GRM3: variants seen among roughly 807,000 people sequenced by gnomAD.
GRM3 encodes glutamate metabotropic receptor 3.
A neutral mutation model predicts 70.5 loss-of-function variants in GRM3; 26 were observed. The observed-to-expected ratio is 0.37, with a 90% confidence interval of 0.27 to 0.51. The LOEUF is 0.51. Among genes scored for constraint, GRM3 ranks in the 20% least tolerant of loss-of-function variants. GRM3 has a pLI of 0.93. For synonymous variants in GRM3, 443 were observed against 434.9 expected (o/e 1.02, Z -0.23); for missense variants, 859 against 1,123.8 (o/e 0.76, Z 3.37).
At chr7:86,745,996 C>A (rs1449958543) in intron 1 of GRM3, among the ~76,000 whole-genome samples, 1 of 151,882 alleles carries the variant, frequency 6.6e-6, no homozygotes, top group East Asian at 1.9e-4. Flanking sequence ...GTGTCTAATC[C>A]CATGCCTAGG....
In GRM3 at chr7:86,721,864, G is replaced by C. The variant is rs78455501; in HGVS notation, c.-140-43142G>C. On this transcript the variant is annotated intron_variant, in intron 1 of 5. Transcript: ENST00000361669. ...TGGCAAATGCCACAAACTGTGACAAGGCAGTGTGATGTCATTGGCACCTTG... is the reference window on the plus strand; with the variant it reads ...TGGCAAATGCCACAAACTGTGACAACGCAGTGTGATGTCATTGGCACCTTG... Among the ~76,000 whole-genome samples, 57 of 152,250 alleles carry C rather than the reference G, an allele frequency of 3.7e-4. 3 individuals are homozygous for C. The East Asian group carries it at 0.011, about 29-fold the overall frequency.
chr7:86,781,927 C>A (rs1269372429), intron 2 of GRM3, among the ~76,000 whole-genome samples: 1 of 152,084 alleles, frequency 6.6e-6, no homozygotes, highest in Non-Finnish European at 1.5e-5. Flanking sequence ...AGAGTCCAAG[C>A]AATGTCACCA....
chr7:86,713,844 C>T (rs1018755676), intron 1 of GRM3, among the ~76,000 whole-genome samples: 3 of 151,940 alleles, frequency 2.0e-5, no homozygotes, highest in Non-Finnish European at 4.4e-5. Context: ...GGCTCACAGA[C>T]TTCCAAATAT....
chr7:86,837,941 T>C (rs73194586), intron 3 of GRM3, among the ~76,000 whole-genome samples: 5,453 of 152,194 alleles, frequency 0.036, 129 homozygotes, highest in Non-Finnish European at 0.052. Context: ...GTACGTGGCA[T>C]AGAAATGGGT....
At chr7:86,750,135 A>G (rs144562302) in intron 1 of GRM3, among the ~76,000 whole-genome samples, 1 of 152,228 alleles carries the variant, frequency 6.6e-6, no homozygotes, top group Non-Finnish European at 1.5e-5. Flanking sequence ...AGGAGAAAAT[A>G]TATATTCATT....
intron 3 of GRM3, among the ~76,000 whole-genome samples, chr7:86,796,415 G>C (rs1242821797): frequency 6.6e-6 from 1 of 152,024 alleles, no homozygotes; most frequent in Non-Finnish European, 1.5e-5. Context: ...CTGTTCCATT[G>C]GTCCATGTGT....
At chr7:86,727,590 T>A (rs1584196684) in intron 1 of GRM3, among the ~76,000 whole-genome samples, 1 of 152,202 alleles carries the variant, frequency 6.6e-6, no homozygotes, top group Non-Finnish European at 1.5e-5. Context: ...TATCCTTGTA[T>A]GTTTAGTACA....
chr7:86,811,089 A>G (rs1797899464), intron 3 of GRM3, among the ~76,000 whole-genome samples: 1 of 151,904 alleles, frequency 6.6e-6, no homozygotes, highest in South Asian at 2.1e-4. Flanking sequence ...TCTCCATAAG[A>G]GAAACATCAG....
At chr7:86,659,642 G>A (rs1793841426) in intron 1 of GRM3, among the ~76,000 whole-genome samples, 1 of 151,982 alleles carries the variant, frequency 6.6e-6, no homozygotes, top group Non-Finnish European at 1.5e-5. Flanking sequence ...AAGTGACATT[G>A]AGCTCTTTTT....
rs1796575275 is a variant in GRM3, at chr7:86,765,384, A to G, written c.239A>G (p.Asn80Ser). Reference sequence around the variant, plus strand: ...ATGTTGTTTGCTATTGATGAAATCAACAAAGATGATTACTTGCTACCAGGA... The same window carrying G: ...ATGTTGTTTGCTATTGATGAAATCAGCAAAGATGATTACTTGCTACCAGGA... ...EAMLFAIDEI[N>S]KDDYLLPGVK... Residue 80 changes from asparagine (N) to serine (S), a missense_variant, in exon 2 of 6, where the codon AAC becomes AGC. By Grantham distance (46) the Asn-to-Ser change is conservative. Transcript: ENST00000361669. 1.2e-6 allele frequency: 2 copies of G among 1,613,980 alleles called. No individual in the cohort carries two copies. Among genetic ancestry groups the G allele is most frequent in the South Asian group, 1.1e-5 (1 of 91,082 alleles).
rs10273642 is a variant in GRM3 at position 86,819,933 on chromosome 7, G to A, written c.1325-18906G>A. Among the ~76,000 whole-genome samples the A allele has an allele frequency of 5.1e-3, 778 of 152,264 alleles. 6 individuals carry two copies. The highest frequency in any genetic ancestry group is 0.017 in the African/African-American group (726 of 41,564). On this transcript the variant is annotated intron_variant, in intron 3 of 5. Transcript: ENST00000361669. ...TGAACCTAGGTATGGGGAAGACTCC[G>A]TGCTACCCTCGAATATATCCTTTCT...
chr7:86,740,864 A>G (rs917506972), intron 1 of GRM3, among the ~76,000 whole-genome samples: 2 of 152,050 alleles, frequency 1.3e-5, no homozygotes, highest in African/African-American at 4.8e-5. Flanking sequence ...CACCATATCC[A>G]TTTTTTTCCT....
rs1326131258 is a variant in GRM3 at position 86,644,803 on chromosome 7, G to A, written c.-210G>A. 1 of 1,289,688 alleles carries A rather than the reference G, an allele frequency of 7.8e-7. No homozygotes were observed. The highest frequency in any genetic ancestry group is 1.2e-5 in the South Asian group (1 of 81,024). The allele number at this position is 1,289,688 out of a possible 1,614,324, so 79.9% of individuals were successfully genotyped here. A position where few individuals can be genotyped will look rare whatever the true frequency, so the allele number is the denominator to read the frequency against. ...GAGGACCAACCATGAGCCAGAGCCCGGGTGCAGGCTCACCGCCGCCGCTGC... is the reference window on the plus strand; with the variant it reads ...GAGGACCAACCATGAGCCAGAGCCCAGGTGCAGGCTCACCGCCGCCGCTGC... On this transcript the variant is annotated 5_prime_UTR_variant, in exon 1 of 6. Transcript: ENST00000361669.
In GRM3 at chr7:86,839,292, T is replaced by C. The variant is rs2116736452; in HGVS notation, c.1778T>C (p.Met593Thr). The C allele has an allele frequency of 1.2e-6, 2 of 1,613,640 alleles. No individual in the cohort carries two copies. Among genetic ancestry groups the C allele is most frequent in the Non-Finnish European group, 1.7e-6 (2 of 1,179,544 alleles). Residue 593 changes from methionine (M) to threonine (T), a missense_variant, in exon 4 of 6, where the codon ATG becomes ACG. Transcript: ENST00000361669. This position sits in a 1 kb window ranked among gnomAD's most constrained non-coding sequence, Gnocchi z 4.5. The part of the protein sequence containing the change: ...IACLGFMCTC[M>T]VVTVFIKHNN... Reference sequence around the variant, plus strand: ...TGTCTGGGTTTTATGTGTACATGCATGGTTGTAACTGTTTTTATCAAGCAC... The same window carrying C: ...TGTCTGGGTTTTATGTGTACATGCACGGTTGTAACTGTTTTTATCAAGCAC...
At chr7:86,783,503 C>T (rs1370483741) in intron 2 of GRM3, among the ~76,000 whole-genome samples, 1 of 140,708 alleles carries the variant, frequency 7.1e-6, no homozygotes, top group Non-Finnish European at 1.5e-5. Context: ...ATCAAAAGAG[C>T]AAAATATGTT....
At chr7:86,778,457 AT>A (rs1364074430) in intron 2 of GRM3, among the ~76,000 whole-genome samples, 3 of 152,170 alleles carry the variant, frequency 2.0e-5, no homozygotes, top group Admixed American at 6.5e-5. Flanking sequence ...TGAAAAAAAA[AT>A]ATTTGGCATT....
intron 1 of GRM3, among the ~76,000 whole-genome samples, chr7:86,719,359 T>C (rs189692326): frequency 7.9e-4 from 120 of 152,062 alleles, no homozygotes; most frequent in African/African-American, 2.8e-3. Flanking sequence ...TTTAGCAAAA[T>C]TTTGATCATC....
rs2116545475 is a variant in GRM3 at position 86,786,656 on chromosome 7, C to T, written c.864C>T (p.Ala288=). The T allele has an allele frequency of 1.9e-6, 3 of 1,611,900 alleles. No homozygotes were observed. The African/African-American group carries it at 4.0e-5, about 21-fold the overall frequency. Residue 288 remains alanine (A), a synonymous_variant, in exon 3 of 6, where the codon GCC becomes GCT. Transcript: ENST00000361669. This position sits in a 1 kb window ranked among gnomAD's most constrained non-coding sequence, Gnocchi z 6.0. ...SDDSRELIAA[A]SRANASFTWV... ...ACTCGCGGGAGCTCATTGCAGCCGC[C>T]AGCCGCGCCAATGCCTCCTTCACCT...
At chr7:86,768,585 T>A (rs987620425) in intron 2 of GRM3, among the ~76,000 whole-genome samples, 4 of 152,078 alleles carry the variant, frequency 2.6e-5, no homozygotes, top group African/African-American at 9.7e-5. Context: ...TGAGGATGAG[T>A]AAGAATGAAA....
Sources: gnomAD v4.1 joint callset for allele counts (sites outside exome capture counted in the v4.1 genomes callset) on GRCh38, gnomAD v4.1.1 for gene constraint, Gnocchi (gnomAD v3.1) non-coding constraint, MANE v1.5 for transcripts, NCBI Gene and HGNC (gene_info 2026-07-23, HGNC 2026-07-21) for gene names.